The following FGF16 variants were observed in gnomAD, a reference collection of about 807,000 sequenced individuals.
FGF16 encodes metacarpal 4-5 fusion.
FGF16 carries 2 observed loss-of-function variants against 8.5 expected under a neutral mutation model. The ratio of observed to expected loss-of-function variants is 0.24; its 90% CI spans 0.10 to 0.75. FGF16 has a LOEUF of 0.75. Ranked by LOEUF, FGF16 falls within the 30% of genes least tolerant of loss-of-function variation. FGF16 has a pLI of 0.74. For missense variants in FGF16, 79 were observed against 87.4 expected, an observed-to-expected ratio of 0.90 and a Z score of 0.38; for synonymous variants, 33 against 34.6, an observed-to-expected ratio of 0.95 and a Z score of 0.16.
chrX:77,454,272 GTTTTTTTTTTTTTTTTT>G lies in FGF16; in HGVS notation c.378+26_378+42del, dbSNP rs782034788. On this transcript the variant is annotated intron_variant, in intron 2 of 2. Coordinates refer to ENST00000439435, the MANE Select transcript of FGF16 (RefSeq NM_003868.3). Reference sequence around the variant, plus strand: ...AACTCTATGGGTCGGTAAGTTTAAGGTTTTTTTTTTTTTTTTTTTTTTTTTTTTTTGGTCAGAGGTTA... The same window carrying G: ...AACTCTATGGGTCGGTAAGTTTAAGGTTTTTTTTTTTTTGGTCAGAGGTTA... 1.8e-5 allele frequency: 2 copies of G among 114,061 alleles called. No homozygotes were observed. Among genetic ancestry groups the G allele is most frequent in the African/African-American group, 1.8e-4 (2 of 11,044 alleles). 9.4% of individuals were successfully genotyped at this position (114,061 alleles called of 1,213,427 possible). A position where few individuals can be genotyped will look rare whatever the true frequency, so the allele number is the denominator to read the frequency against.
rs922759957 is a variant in FGF16, at chrX:77,448,073, G to A, written c.274+125G>A. On this transcript the variant is annotated intron_variant, in intron 1 of 2. Transcript: ENST00000439435. The stretch of plus-strand genomic sequence containing the variant: ...TGGTGTCGTCCGGGCCAGTCGAGGC[G>A]AGACACGACGGCGCGGTCGTGGGCC... 3.1e-3 allele frequency: 909 copies of A among 296,218 alleles called. 11 individuals carry two copies. The highest frequency in any genetic ancestry group is 0.022 in the African/African-American group (826 of 36,907). 24.4% of individuals were successfully genotyped at this position (296,218 alleles called of 1,213,427 possible). A position where few individuals can be genotyped will look rare whatever the true frequency, so the allele number is the denominator to read the frequency against.
intron 1 of FGF16, 23 bp downstream of exon 1, chrX:77,447,971 G>T: frequency 3.4e-6 from 1 of 298,165 alleles, no homozygotes; most frequent in Non-Finnish European, 5.9e-6. Context: ...TCGGGGGAAC[G>T]GGAGGCGGGC....
Position 77,456,584 on chromosome X carries a change from A to T in FGF16, c.*62A>T. ...TGGGGCCACGGTTGTCTCTGCAAGC[A>T]CTATATTCATAGCTTTTCAATCCTT... On this transcript the variant is annotated 3_prime_UTR_variant, in exon 3 of 3. Transcript: ENST00000439435. 9.5e-7 allele frequency: 1 copy of T among 1,055,937 alleles called. No individual in the cohort carries two copies. Among genetic ancestry groups the T allele is most frequent in the Admixed American group, 2.5e-5 (1 of 40,684 alleles). The allele number at this position is 1,055,937 out of a possible 1,213,427, so 87.0% of individuals were successfully genotyped here.
Position 77,456,726 on chromosome X carries a change from G to C in FGF16, c.*204G>C. 1 of 384,509 alleles carries C rather than the reference G, an allele frequency of 2.6e-6. No homozygotes were observed. The highest frequency in any genetic ancestry group is 4.5e-5 in the Admixed American group (1 of 22,019). The allele number at this position is 384,509 out of a possible 1,213,427, so 31.7% of individuals were successfully genotyped here. A position where few individuals can be genotyped will look rare whatever the true frequency, so the allele number is the denominator to read the frequency against. ...TTATTTTGGGGAGGGATGGGGGGCTGGGCTCGAGGGAATCTTGTATATACT... is the reference window on the plus strand; with the variant it reads ...TTATTTTGGGGAGGGATGGGGGGCTCGGCTCGAGGGAATCTTGTATATACT... On this transcript the variant is annotated 3_prime_UTR_variant, in exon 3 of 3. Transcript: ENST00000439435.
In FGF16 at chrX:77,447,657, G is replaced by C. The variant is rs2062545246; in HGVS notation, c.-18G>C. On this transcript the variant is annotated 5_prime_UTR_variant, in exon 1 of 3. Transcript: ENST00000439435. Reference sequence around the variant, plus strand: ...CCCGCGCGCGCCCAGCACAACCAGCGCCGCAATCGGCCCAGCCATGGCAGA... The same window carrying C: ...CCCGCGCGCGCCCAGCACAACCAGCCCCGCAATCGGCCCAGCCATGGCAGA... 2 of 296,186 alleles carry C rather than the reference G, an allele frequency of 6.8e-6. No individual in the cohort carries two copies. The highest frequency in any genetic ancestry group is 1.2e-5 in the Non-Finnish European group (2 of 169,874). 24.4% of individuals were successfully genotyped at this position (296,186 alleles called of 1,213,427 possible).
In FGF16 at chrX:77,456,314, T is replaced by C; in HGVS notation, c.416T>C (p.Phe139Ser). The part of the protein sequence containing the change: ...LTRECVFREQ[F>S]EENWYNTYAS... ...CGTGAATGTGTTTTCCGGGAACAGT[T>C]TGAAGAAAACTGGTACAACACCTAT... The change falls in exon 3 of 3, where the codon TTT (phenylalanine) becomes TCT (serine). Residue 139 changes from phenylalanine to serine, a missense_variant. By Grantham distance (155) the Phe-to-Ser change is radical. Coordinates refer to ENST00000439435, the MANE Select transcript of FGF16 (RefSeq NM_003868.3). The C allele has an allele frequency of 8.3e-7, 1 of 1,209,326 alleles. No individual in the cohort carries two copies. The highest frequency in any genetic ancestry group is 1.1e-6 in the Non-Finnish European group (1 of 893,232).
chrX:77,448,140 T>G (rs1054448022), intron 1 of FGF16, among the ~76,000 whole-genome samples, 192 bp downstream of exon 1: 7 of 113,118 alleles, frequency 6.2e-5, no homozygotes, highest in Non-Finnish European at 1.1e-4. Flanking sequence ...CACTTTCAGG[T>G]GGGGGCGGGG....
At chrX:77,453,088 CA>C (rs1557026792) in intron 1 of FGF16, among the ~76,000 whole-genome samples, 3 of 111,131 alleles carry the variant, frequency 2.7e-5, no homozygotes, top group Non-Finnish European at 5.7e-5. Context: ...AAAAAACAAA[CA>C]AACAAAAAAA....
rs2062574153 is a variant in FGF16, at chrX:77,456,851, C to T, written c.*329C>T. ...TCTTACCCCACAATTTACTCAAATA[C>T]CTTGACAATGGGTATAAATGAAAGG... On this transcript the variant is annotated 3_prime_UTR_variant, in exon 3 of 3. Transcript: ENST00000439435. 1 of 157,361 alleles carries T rather than the reference C, an allele frequency of 6.4e-6. No individual in the cohort carries two copies. Among genetic ancestry groups the T allele is most frequent in the African/African-American group, 3.1e-5 (1 of 32,461 alleles). 13.0% of individuals were successfully genotyped at this position (157,361 alleles called of 1,213,427 possible). A position where few individuals can be genotyped will look rare whatever the true frequency, so the allele number is the denominator to read the frequency against.
At chrX:77,452,967 C>T (rs185331289) in intron 1 of FGF16, among the ~76,000 whole-genome samples, 3 of 110,843 alleles carry the variant, frequency 2.7e-5, no homozygotes, top group East Asian at 5.7e-4. Context: ...GTCCCAGCTA[C>T]GAGGGAGGCT....
Position 77,454,249 on chromosome X carries a change from C to A in FGF16, c.367C>A (p.Leu123Ile). ...CCTAGGAATGAATGAGCGAGGAGAA[C>A]TCTATGGGTCGGTAAGTTTAAGGTT... ...LYLGMNERGE[L>I]YGSKKLTREC... is the part of the protein sequence containing the mutation. The change falls in exon 2 of 3, where the codon CTC (leucine) becomes ATC (isoleucine). Residue 123 changes from leucine to isoleucine, a missense_variant. Leu to Ile is a conservative substitution (Grantham distance 5). Coordinates refer to ENST00000439435, the MANE Select transcript of FGF16 (RefSeq NM_003868.3). The A allele has an allele frequency of 2.1e-6, 1 of 472,140 alleles. No individual in the cohort carries two copies. The highest frequency in any genetic ancestry group is 3.4e-6 in the Non-Finnish European group (1 of 292,626). The allele number at this position is 472,140 out of a possible 1,213,427, so 38.9% of individuals were successfully genotyped here.
At chrX:77,452,236 C>A (rs868964195) in intron 1 of FGF16, among the ~76,000 whole-genome samples, 1 of 112,410 alleles carries the variant, frequency 8.9e-6, no homozygotes, top group African/African-American at 3.2e-5. Context: ...CTCAGCTGTA[C>A]GTCTTCTAGA....
rs940200063 is a variant in FGF16 at position 77,447,630 on chromosome X, G to A, written c.-45G>A. 1 of 297,117 alleles carries A rather than the reference G, an allele frequency of 3.4e-6. No homozygotes were observed. Among genetic ancestry groups the A allele is most frequent in the Non-Finnish European group, 5.9e-6 (1 of 169,853 alleles). 24.5% of individuals were successfully genotyped at this position (297,117 alleles called of 1,213,427 possible). On this transcript the variant is annotated 5_prime_UTR_variant, in exon 1 of 3. Transcript: ENST00000439435. ...AGTTCGCGCCCCGTGGCCCCGGCTC[G>A]GCCCGCGCGCGCCCAGCACAACCAG...
chrX:77,455,291 A>G, intron 2 of FGF16, among the ~76,000 whole-genome samples: 1 of 112,060 alleles, frequency 8.9e-6, no homozygotes, highest in Non-Finnish European at 1.9e-5. Flanking sequence ...GAACAAAAAT[A>G]GGCAGTGGAA....
Position 77,447,430 on chromosome X carries a change from A to T in FGF16, c.-245A>T. 3.9e-6 allele frequency: 1 copy of T among 258,498 alleles called. No individual in the cohort carries two copies. Among genetic ancestry groups the T allele is most frequent in the Non-Finnish European group, 6.9e-6 (1 of 145,654 alleles). The allele number at this position is 258,498 out of a possible 1,213,427, so 21.3% of individuals were successfully genotyped here. On this transcript the variant is annotated 5_prime_UTR_variant, in exon 1 of 3. Transcript: ENST00000439435. ...GAGAGGCCGGGGGAGATGGATGCGG[A>T]GGGGAAGAGGCACTTTGACTGAGAG...
At chrX:77,454,400 C>T in intron 2 of FGF16, 140 bp downstream of exon 2, 2 of 377,919 alleles carry the variant, frequency 5.3e-6, no homozygotes, top group Non-Finnish European at 8.7e-6. Context: ...CCTGTAATCC[C>T]AGCACTTTGG....
intron 1 of FGF16, among the ~76,000 whole-genome samples, chrX:77,452,743 A>T (rs2062560946): frequency 9.0e-6 from 1 of 111,004 alleles, no homozygotes; most frequent in South Asian, 3.8e-4. Flanking sequence ...AATCAGCTCT[A>T]CTCCCTATAT....
rs1056070503 is a variant in FGF16, at chrX:77,449,112, C to T, written c.274+1164C>T. 2.7e-5 allele frequency among the ~76,000 whole-genome samples: 3 copies of T among 111,615 alleles called. No individual in the cohort carries two copies. The South Asian group carries it at 1.1e-3, about 42-fold the overall frequency. Reference sequence around the variant, plus strand: ...TATTCTCCATGCCTTGCTAGAGCTGCATCTGGAGTGCACAGCAAAAAGGGG... The same window carrying T: ...TATTCTCCATGCCTTGCTAGAGCTGTATCTGGAGTGCACAGCAAAAAGGGG... On this transcript the variant is annotated intron_variant, in intron 1 of 2. Coordinates refer to ENST00000439435, the MANE Select transcript of FGF16 (RefSeq NM_003868.3).
At chrX:77,453,554 G>C (rs2062563302) in intron 1 of FGF16, among the ~76,000 whole-genome samples, 1 of 111,986 alleles carries the variant, frequency 8.9e-6, no homozygotes. Context: ...AGCTGAGAAT[G>C]CTTTTTAGGA....
Sources: allele counts gnomAD v4.1 joint callset (sites outside exome capture counted in the v4.1 genomes callset), GRCh38; gene constraint gnomAD v4.1.1; transcripts MANE v1.5; gene names NCBI Gene and HGNC (gene_info 2026-07-23, HGNC 2026-07-21).